Variants in HEATR4 observed in about 807,000 individuals in gnomAD.
HEATR4 encodes the protein HEAT repeat containing 4, also known as HEAT repeat-containing protein 4.
A neutral mutation model predicts 108.8 loss-of-function variants in HEATR4; 95 were observed. The observed-to-expected ratio is 0.87, with a 90% confidence interval of 0.74 to 1.04. The LOEUF is 1.04. HEATR4 is among the 50% of genes least tolerant of loss of function. The pLI is 0.00. For synonymous variants in HEATR4, 443 were observed against 459.4 expected (o/e 0.96, Z 0.46); for missense variants, 1,152 against 1,253.8 (o/e 0.92, Z 1.23).
chr14:73,595,368 A>G, the HEATR4 span: 10 of 1,614,262 alleles, frequency 6.2e-6, no homozygotes, highest in East Asian at 2.2e-5. Flanking sequence ...CAGGATGACC[A>G]TAACTGGAGA....
chr14:73,563,655 T>C (rs1303945998), upstream of HEATR4, among the ~76,000 whole-genome samples: 1 of 151,816 alleles, frequency 6.6e-6, no homozygotes, highest in Non-Finnish European at 1.5e-5. Flanking sequence ...TATCATTGAT[T>C]TGTACACTTA....
At chr14:73,525,953 T>TAA (rs59834256) in intron 2 of HEATR4, among the ~76,000 whole-genome samples, 2 of 144,640 alleles carry the variant, frequency 1.4e-5, no homozygotes, top group Admixed American at 6.8e-5. Context: ...ACTCCTTATT[T>TAA]AAAAAAAAAA....
At chr14:73,518,499 A>G (rs1887770129) in intron 5 of HEATR4, among the ~76,000 whole-genome samples, 1 of 152,176 alleles carries the variant, frequency 6.6e-6, no homozygotes. Context: ...ACAAAGAGTC[A>G]TGGGAAATAG....
chr14:73,595,446 T>C, the HEATR4 span: 5 of 1,614,074 alleles, frequency 3.1e-6, no homozygotes, highest in African/African-American at 6.7e-5. Context: ...CCCCAGATCA[T>C]CTGTTACCCT....
chr14:73,508,477 G>A (rs1368284894), intron 8 of HEATR4, among the ~76,000 whole-genome samples, 183 bp from the exon 9 acceptor site: 14 of 152,052 alleles, frequency 9.2e-5, no homozygotes, highest in Non-Finnish European at 1.8e-4. Context: ...GGCTGGGCAC[G>A]GTGGCTAACA....
chr14:73,490,972 C>T (rs758772929), intron 17 of HEATR4: 210 of 1,314,914 alleles, frequency 1.6e-4, no homozygotes, highest in Middle Eastern at 5.6e-4. Context: ...ACCGCTTTAG[C>T]TTCGCCCCCG....
chr14:73,587,316 C>T, the HEATR4 span, among the ~76,000 whole-genome samples: 1 of 151,180 alleles, frequency 6.6e-6, no homozygotes, highest in Non-Finnish European at 1.5e-5. Flanking sequence ...TATTTTGACA[C>T]AGACTTCTTG....
chr14:73,612,772 G>C, the HEATR4 span: 2 of 1,367,984 alleles, frequency 1.5e-6, no homozygotes, highest in African/African-American at 1.5e-5. Flanking sequence ...GCGCGCCCGC[G>C]CTGGGAGGCA....
chr14:73,498,424 A>G lies in HEATR4; in HGVS notation c.2357-80T>C, dbSNP rs564609678. The G allele has an allele frequency of 1.5e-5, 19 of 1,249,790 alleles. 1 individual carries two copies. The highest frequency in any genetic ancestry group is 4.0e-4 in the Middle Eastern group (2 of 5,036). The allele number at this position is 1,249,790 out of a possible 1,614,324, so 77.4% of individuals were successfully genotyped here. A position where few individuals can be genotyped will look rare whatever the true frequency, so the allele number is the denominator to read the frequency against. ...CATCCAGAAATAAATTGAGTTTTGC[A>G]AACAATACCTTCCCTTTTGGATGGT... On this transcript the variant is annotated intron_variant, in intron 13 of 17. Coordinates refer to ENST00000553558, the MANE Select transcript of HEATR4 (RefSeq NM_001220484.1).
At chr14:73,590,757 C>T in the HEATR4 span, among the ~76,000 whole-genome samples, 1 of 151,518 alleles carries the variant, frequency 6.6e-6, no homozygotes, top group Non-Finnish European at 1.5e-5. Context: ...CACGCCCACC[C>T]GGGACTCGCG....
chr14:73,561,800 AAAGT>A (rs1889534076), upstream of HEATR4, among the ~76,000 whole-genome samples: 2 of 152,078 alleles, frequency 1.3e-5, no homozygotes, highest in African/African-American at 2.4e-5. Context: ...ACTGGGCAAC[AAAGT>A]GAGACCCCCA....
the HEATR4 span, among the ~76,000 whole-genome samples, chr14:73,625,913 G>A: frequency 2.6e-3 from 392 of 152,328 alleles, 3 homozygotes; most frequent in African/African-American, 8.4e-3. Context: ...GTGAAAGGAA[G>A]AGTCTCGGGT....
rs761310682 is a variant in HEATR4 at position 73,492,969 on chromosome 14, G to A, written c.2844+97C>T. 1 of 1,605,970 alleles carries A rather than the reference G, an allele frequency of 6.2e-7. No individual in the cohort carries two copies. Among genetic ancestry groups the A allele is most frequent in the African/African-American group, 1.4e-5 (1 of 73,856 alleles). On this transcript the variant is annotated intron_variant, in intron 17 of 17. Transcript: ENST00000553558. The surrounding 1 kb of genome is among the most constrained non-coding windows in gnomAD (Gnocchi z 4.9). The stretch of plus-strand genomic sequence containing the variant: ...TTTCTTGTTGATTGCTGGAAACAAG[G>A]CAGTAGTGATTCTCCGCTGCCACTG...
chr14:73,572,878 T>A, the HEATR4 span, among the ~76,000 whole-genome samples: 1 of 150,578 alleles, frequency 6.6e-6, no homozygotes, highest in South Asian at 2.1e-4. Context: ...ACTCCTGACC[T>A]CAGGTGATCC....
At chr14:73,628,373 C>T in the HEATR4 span, among the ~76,000 whole-genome samples, 1 of 152,106 alleles carries the variant, frequency 6.6e-6, no homozygotes, top group African/African-American at 2.4e-5. Context: ...TGAACTCAGC[C>T]TCAAGCAATC....
the HEATR4 span, among the ~76,000 whole-genome samples, chr14:73,606,634 G>A: frequency 2.0e-5 from 3 of 152,160 alleles, no homozygotes; most frequent in South Asian, 6.2e-4. Context: ...TGGCTTTTGA[G>A]CCTTACCAAA....
intron 1 of HEATR4, among the ~76,000 whole-genome samples, chr14:73,532,781 C>T (rs1888746545): frequency 8.8e-6 from 1 of 113,054 alleles, no homozygotes; most frequent in South Asian, 2.8e-4. Flanking sequence ...AGTAAAACCC[C>T]ATCTCTACTA....
the HEATR4 span, among the ~76,000 whole-genome samples, chr14:73,588,720 G>T: frequency 6.6e-6 from 1 of 152,046 alleles, no homozygotes; most frequent in African/African-American, 2.4e-5. Context: ...TCATCATTTA[G>T]CCATTGGATC....
rs761573614 is a variant in HEATR4, at chr14:73,492,703, G to T, written c.2844+363C>A. ...GGATAGCTCGGCTGGTGGGTGAGGG[G>T]GGCCATTTGTTTCTCTATTACACAG... is the stretch of plus-strand genomic sequence containing the variant. On this transcript the variant is annotated intron_variant, in intron 17 of 17. Transcript: ENST00000553558. The surrounding 1 kb of genome is among the most constrained non-coding windows in gnomAD (Gnocchi z 4.9). The T allele has an allele frequency of 1.1e-5, 18 of 1,613,842 alleles. No individual in the cohort carries two copies. In the South Asian group the frequency reaches 1.6e-4, roughly 15 times the overall value.
Sources: allele counts gnomAD v4.1 joint callset (sites outside exome capture counted in the v4.1 genomes callset), GRCh38; gene constraint gnomAD v4.1.1; non-coding constraint Gnocchi (gnomAD v3.1); transcripts MANE v1.5; gene names NCBI Gene and HGNC (gene_info 2026-07-23, HGNC 2026-07-21).